PDZD2: variants seen among roughly 807,000 people sequenced by gnomAD.
PDZD2 encodes PDZ domain containing 2.
In PDZD2, 90 loss-of-function variants were observed where a neutral mutation model predicts 220.7. That is an observed-to-expected ratio of 0.41 (90% confidence interval 0.34 to 0.49). PDZD2 has a LOEUF of 0.49. Among genes scored for constraint, PDZD2 ranks in the 20% least tolerant of loss-of-function variants. The pLI, the probability that PDZD2 is intolerant of heterozygous loss-of-function variation, is 0.28. For missense variants in PDZD2, 3,174 were observed against 3,608.5 expected (o/e 0.88, Z 3.08); for synonymous variants, 1,375 against 1,450.5 (o/e 0.95, Z 1.18).
chr5:32,098,504 G>C lies in PDZD2; in HGVS notation c.8088G>C (p.Leu2696=). The part of the protein sequence containing the change: ...NVLKVLHQAQ[L]HKDALVVIKK... ...TGAAGGTTCTGCACCAGGCACAGCT[G>C]CACAAAGATGCCCTCGTGGTCATCA... The change falls in exon 23 of 25, where the codon CTG becomes CTC. Residue 2696 remains leucine, a synonymous_variant. Coordinates refer to ENST00000438447, the MANE Select transcript of PDZD2 (RefSeq NM_178140.4). This position sits in a 1 kb window ranked among gnomAD's most constrained non-coding sequence, Gnocchi z 4.1. The C allele has an allele frequency of 6.2e-7, 1 of 1,614,188 alleles. No individual in the cohort carries two copies. The highest frequency in any genetic ancestry group is 8.5e-7 in the Non-Finnish European group (1 of 1,180,024).
intron 2 of PDZD2, among the ~76,000 whole-genome samples, chr5:31,867,450 CAGA>C (rs1334829545): frequency 2.6e-5 from 4 of 152,180 alleles, no homozygotes; most frequent in African/African-American, 4.8e-5. Context: ...GCCTCATCTG[CAGA>C]AGAAGTGGTT....
At chr5:31,936,340 A>G (rs1745724921) in intron 2 of PDZD2, 2 of 987,244 alleles carry the variant, frequency 2.0e-6, no homozygotes. Flanking sequence ...ACCAGCTCAT[A>G]AAGCAGGTAG....
At chr5:31,881,376 T>A (rs141541795) in intron 2 of PDZD2, among the ~76,000 whole-genome samples, 4,772 of 125,420 alleles carry the variant, frequency 0.038, 87 homozygotes, top group Non-Finnish European at 0.047. Flanking sequence ...GTGTATATAT[T>A]TTTTTTTTTT....
chr5:31,841,736 G>A (rs559354218), intron 2 of PDZD2, among the ~76,000 whole-genome samples: 1 of 151,906 alleles, frequency 6.6e-6, no homozygotes, highest in Non-Finnish European at 1.5e-5. Flanking sequence ...ACTTTAGGAG[G>A]CTGAGGCAGG....
intron 2 of PDZD2, among the ~76,000 whole-genome samples, chr5:31,904,717 A>AT (rs1172965677): frequency 6.6e-6 from 1 of 152,040 alleles, no homozygotes; most frequent in African/African-American, 2.4e-5. Context: ...TTTAGTAGGG[A>AT]TTACAGGCAT....
chr5:31,735,779 T>C (rs1749824223), intron 1 of PDZD2, among the ~76,000 whole-genome samples: 1 of 152,136 alleles, frequency 6.6e-6, no homozygotes, highest in African/African-American at 2.4e-5. Context: ...ACCCCGTCTC[T>C]ACTAAAAATA....
At chr5:31,945,643 GTTCTC>G (rs569518313) in intron 2 of PDZD2, among the ~76,000 whole-genome samples, 1 of 151,188 alleles carries the variant, frequency 6.6e-6, no homozygotes, top group South Asian at 2.1e-4. Flanking sequence ...TTTCCCCCTT[GTTCTC>G]TTCCCTATGG....
At chr5:31,979,926 G>A (rs148803890) in intron 2 of PDZD2, among the ~76,000 whole-genome samples, 3 of 152,278 alleles carry the variant, frequency 2.0e-5, no homozygotes, top group Non-Finnish European at 4.4e-5. Context: ...TGTTAAGACC[G>A]TTCTTAGGTA....
At chr5:31,689,392 A>G (rs1747027179) in intron 1 of PDZD2, among the ~76,000 whole-genome samples, 1 of 112,750 alleles carries the variant, frequency 8.9e-6, no homozygotes, top group African/African-American at 3.8e-5. Context: ...ACGGGGTTTC[A>G]CCACATTGGC....
chr5:31,922,996 A>C (rs1174399686), intron 2 of PDZD2, among the ~76,000 whole-genome samples: 1 of 150,666 alleles, frequency 6.6e-6, no homozygotes, highest in Non-Finnish European at 1.5e-5. Flanking sequence ...CTAGCCCTTC[A>C]AAAATGCGCT....
chr5:31,688,824 G>A lies in PDZD2; in HGVS notation c.-361+49387G>A, dbSNP rs901906958. Among the ~76,000 whole-genome samples, 3 of 152,144 alleles carry A rather than the reference G, an allele frequency of 2.0e-5. 1 individual carries two copies. Among genetic ancestry groups the A allele is most frequent in the Non-Finnish European group, 4.4e-5 (3 of 68,032 alleles). On this transcript the variant is annotated intron_variant, in intron 1 of 24. Transcript: ENST00000438447. ...GAGAGCATTGGGTTTCCCCAAGCAG[G>A]GGGTGGTCAGCCAGGTCACAACAGG...
chr5:32,090,749 G>A lies in PDZD2; in HGVS notation c.7301G>A (p.Ser2434Asn), dbSNP rs1251897439. 7 of 1,614,016 alleles carry A rather than the reference G, an allele frequency of 4.3e-6. No homozygotes were observed. Among genetic ancestry groups the A allele is most frequent in the Non-Finnish European group, 5.9e-6 (7 of 1,180,018 alleles). ...TISRQNPPET[S>N]SKGSDSELKK... ...TCTCGGCAGAACCCACCAGAGACCA[G>A]TAGCAAGGGCTCTGATTCGGAACTA... Residue 2434 changes from serine to asparagine, a missense_variant, in exon 20 of 25, where the codon AGT (serine) becomes AAT (asparagine). Ser to Asn is a conservative substitution (Grantham distance 46). Transcript: ENST00000438447. The surrounding 1 kb of genome is among the most constrained non-coding windows in gnomAD (Gnocchi z 4.3).
At chr5:31,705,616 T>G (rs1213868218) in intron 1 of PDZD2, among the ~76,000 whole-genome samples, 1 of 152,218 alleles carries the variant, frequency 6.6e-6, no homozygotes, top group Non-Finnish European at 1.5e-5. Context: ...GTTATAGATT[T>G]GTATAATAAA....
rs146303599 is a variant in PDZD2 at position 31,957,812 on chromosome 5, A to G, written c.477-25343A>G. ...TCCACCAGACCTTCAAGTTGGAGTC[A>G]TCCGATCAAAATATTTATACAGGAG... On this transcript the variant is annotated intron_variant, in intron 2 of 24. Transcript: ENST00000438447. Among the ~76,000 whole-genome samples the G allele has an allele frequency of 3.6e-3, 541 of 152,342 alleles. 3 individuals carry two copies. Among genetic ancestry groups the G allele is most frequent in the African/African-American group, 0.012 (514 of 41,584 alleles).
In PDZD2 at chr5:31,800,365, G is replaced by A. The variant is rs114333706; in HGVS notation, c.476+641G>A. Among the ~76,000 whole-genome samples the A allele has an allele frequency of 5.3e-4, 81 of 152,266 alleles. 1 individual carries two copies. Among genetic ancestry groups the A allele is most frequent in the African/African-American group, 1.9e-3 (78 of 41,566 alleles). ...GGTGCTCAGTTCTCCCAGCAATGAT[G>A]TTTGACGCCAACCAGGGACACTCAC... On this transcript the variant is annotated intron_variant, in intron 2 of 24. Transcript: ENST00000438447.
intron 14 of PDZD2, among the ~76,000 whole-genome samples, chr5:32,062,830 A>G (rs1013096252): frequency 1.3e-5 from 2 of 152,044 alleles, no homozygotes; most frequent in African/African-American, 2.4e-5. Flanking sequence ...CACATTTTCC[A>G]ATACTGGTTT....
intron 5 of PDZD2, among the ~76,000 whole-genome samples, chr5:32,006,102 G>A (rs184173885): frequency 0.028 from 4,122 of 149,466 alleles, 217 homozygotes; most frequent in African/African-American, 0.099. Flanking sequence ...AGCTGAGATC[G>A]CGCCACTGCA....
At chr5:32,022,653 T>C (rs909084953) in intron 6 of PDZD2, among the ~76,000 whole-genome samples, 2 of 152,094 alleles carry the variant, frequency 1.3e-5, no homozygotes, top group African/African-American at 4.8e-5. Context: ...CCATAGGACT[T>C]CCACAGGAAC....
At chr5:32,008,284 CTT>C (rs58124921) in intron 5 of PDZD2, among the ~76,000 whole-genome samples, 3 of 129,122 alleles carry the variant, frequency 2.3e-5, no homozygotes, top group Admixed American at 7.9e-5. Flanking sequence ...TCTTTTGTTT[CTT>C]TTTTTTTTTT....
Sources: gnomAD v4.1 joint callset for allele counts (sites outside exome capture counted in the v4.1 genomes callset) on GRCh38, gnomAD v4.1.1 for gene constraint, Gnocchi (gnomAD v3.1) non-coding constraint, MANE v1.5 for transcripts, NCBI Gene and HGNC (gene_info 2026-07-23, HGNC 2026-07-21) for gene names.